TMEM132D: variants seen among roughly 807,000 people sequenced by gnomAD.
TMEM132D encodes the protein transmembrane protein 132D.
In TMEM132D, 21 loss-of-function variants were observed where a neutral mutation model predicts 62.3. That is an observed-to-expected ratio of 0.34 (90% CI 0.24 to 0.49). The LOEUF is 0.49. Ranked by LOEUF, TMEM132D falls within the 20% of genes least tolerant of loss-of-function variation. The pLI is 0.99. For missense variants in TMEM132D, 1,346 were observed against 1,402.8 expected, an observed-to-expected ratio of 0.96 and a Z score of 0.65; for synonymous variants, 621 against 575.6, an observed-to-expected ratio of 1.08 and a Z score of -1.13.
intron 1 of TMEM132D, among the ~76,000 whole-genome samples, chr12:129,775,201 A>T (rs1414416349): frequency 1.3e-5 from 2 of 152,112 alleles, no homozygotes; most frequent in Non-Finnish European, 2.9e-5. Flanking sequence ...ATTGATTCTG[A>T]TTTTTATCGT....
At chr12:129,702,628 A>G (rs1881411474) in intron 1 of TMEM132D, among the ~76,000 whole-genome samples, 1 of 152,120 alleles carries the variant, frequency 6.6e-6, no homozygotes, top group South Asian at 2.1e-4. Flanking sequence ...GTTTTTCTGT[A>G]GCATCCCCAG....
chr12:129,805,383 C>T (rs963164333), intron 1 of TMEM132D, among the ~76,000 whole-genome samples: 109 of 152,044 alleles, frequency 7.2e-4, no homozygotes, highest in East Asian at 1.2e-3. Context: ...TCAGAAATAA[C>T]GCCGCATATC....
rs187491657 is a variant in TMEM132D, at chr12:129,507,755, A to G, written c.1115+23304T>C. Among the ~76,000 whole-genome samples, 180 of 152,340 alleles carry G rather than the reference A, an allele frequency of 1.2e-3. 1 individual carries two copies. The highest frequency in any genetic ancestry group is 0.01 in the Middle Eastern group (3 of 294). ...GGATAAAAGACTACAAATTGAGTGC[A>G]GTGTATACTGCTCGGTTGATGGGTG... On this transcript the variant is annotated intron_variant, in intron 3 of 8. Transcript: ENST00000422113.
intron 4 of TMEM132D, among the ~76,000 whole-genome samples, chr12:129,295,567 T>G (rs4760025): frequency 0.59 from 88,528 of 151,104 alleles, 27,061 homozygotes; most frequent in East Asian, 0.99. Flanking sequence ...AGTAGCTGAG[T>G]TTACAAGCAC....
chr12:129,876,465 G>A (rs1319493206), intron 1 of TMEM132D, among the ~76,000 whole-genome samples: 6 of 152,156 alleles, frequency 3.9e-5, no homozygotes, highest in South Asian at 4.1e-4. Flanking sequence ...TAATCTCCAC[G>A]GCTATTACAC....
At chr12:129,813,630 A>ATG (rs1555233398) in intron 1 of TMEM132D, among the ~76,000 whole-genome samples, 1 of 147,058 alleles carries the variant, frequency 6.8e-6, no homozygotes, top group Admixed American at 6.8e-5. Context: ...ATATATATAT[A>ATG]TTTTCAGGAC....
chr12:129,686,591 TA>T (rs942588931), intron 2 of TMEM132D, among the ~76,000 whole-genome samples: 4 of 152,070 alleles, frequency 2.6e-5, no homozygotes, highest in Admixed American at 6.5e-5. Context: ...CTAAACATTC[TA>T]AAAAAAATTC....
At position 129,099,793 on chromosome 12, in the gene TMEM132D, C is replaced by T. The variant is rs141253202; in HGVS notation, c.1444-15091G>A. On this transcript the variant is annotated intron_variant, in intron 5 of 8. Transcript: ENST00000422113. The stretch of plus-strand genomic sequence containing the variant: ...TGTTGCATTCCATTAAAAGTGGGAG[C>T]GAAACCCACTTTATTTTTTTTTATT... 7.9e-5 allele frequency among the ~76,000 whole-genome samples: 12 copies of T among 151,454 alleles called. No individual in the cohort carries two copies. The East Asian group carries it at 9.7e-4, about 12-fold the overall frequency.
chr12:129,321,699 CA>C (rs1477275603), intron 4 of TMEM132D, among the ~76,000 whole-genome samples: 2 of 152,158 alleles, frequency 1.3e-5, no homozygotes, highest in Non-Finnish European at 2.9e-5. Flanking sequence ...GCTGGGACTA[CA>C]GGCGCCCGCC....
intron 2 of TMEM132D, among the ~76,000 whole-genome samples, chr12:129,639,250 G>A (rs961410694): frequency 2.0e-5 from 3 of 151,832 alleles, no homozygotes; most frequent in Admixed American, 2.0e-4. Flanking sequence ...GGGCATGGTG[G>A]TGGGTGCCTG....
chr12:129,849,216 T>C (rs1593185467), intron 1 of TMEM132D, among the ~76,000 whole-genome samples: 1 of 152,190 alleles, frequency 6.6e-6, no homozygotes, highest in East Asian at 1.9e-4. Context: ...GTTTAATCAA[T>C]TTTCATTTCC....
intron 2 of TMEM132D, among the ~76,000 whole-genome samples, chr12:129,648,670 A>G (rs944124960): frequency 6.6e-6 from 1 of 152,214 alleles, no homozygotes; most frequent in Non-Finnish European, 1.5e-5. Context: ...TCTATGTTCA[A>G]TTGGTATACA....
At chr12:129,382,843 C>T (rs932171266) in intron 3 of TMEM132D, among the ~76,000 whole-genome samples, 3 of 152,122 alleles carry the variant, frequency 2.0e-5, no homozygotes, top group Non-Finnish European at 2.9e-5. Context: ...TTTGATTTTA[C>T]GGCTGGTGGT....
At chr12:129,075,091 G>A (rs745856862) in intron 8 of TMEM132D, 32 bp from the exon 9 acceptor site, 109 of 1,562,128 alleles carry the variant, frequency 7.0e-5, no homozygotes, top group Non-Finnish European at 8.8e-5. Context: ...TTAATCAAAT[G>A]GGCCAAAAAG....
At chr12:129,195,290 A>C (rs1878516834) in intron 5 of TMEM132D, among the ~76,000 whole-genome samples, 1 of 151,942 alleles carries the variant, frequency 6.6e-6, no homozygotes, top group African/African-American at 2.4e-5. Flanking sequence ...CAAGAAGCCC[A>C]GTGTGGCCAG....
At chr12:129,464,136 C>G (rs10847883) in intron 3 of TMEM132D, among the ~76,000 whole-genome samples, 143,599 of 148,208 alleles carry the variant, frequency 0.97, 69,749 homozygotes, top group East Asian at 1. Flanking sequence ...TCCAGCACCT[C>G]TTGTTTCCTG....
chr12:129,409,813 G>C (rs926298612), intron 3 of TMEM132D, among the ~76,000 whole-genome samples: 1 of 152,204 alleles, frequency 6.6e-6, no homozygotes, highest in Non-Finnish European at 1.5e-5. Flanking sequence ...AAATACCTCT[G>C]ATCTGCATAA....
At chr12:129,835,631 T>G (rs1872983336) in intron 1 of TMEM132D, among the ~76,000 whole-genome samples, 1 of 152,192 alleles carries the variant, frequency 6.6e-6, no homozygotes, top group Non-Finnish European at 1.5e-5. Flanking sequence ...AAAAAGACTG[T>G]AATATGAAAA....
intron 2 of TMEM132D, among the ~76,000 whole-genome samples, chr12:129,539,360 T>A (rs1342299338): frequency 1.3e-5 from 2 of 150,932 alleles, no homozygotes; most frequent in African/African-American, 4.9e-5. Flanking sequence ...GCTTCCCAAG[T>A]AGCCGGGACT....
Sources: gnomAD v4.1 joint callset for allele counts (sites outside exome capture counted in the v4.1 genomes callset) on GRCh38, gnomAD v4.1.1 for gene constraint, MANE v1.5 for transcripts, NCBI Gene and HGNC (gene_info 2026-07-23, HGNC 2026-07-21) for gene names.